Variants in ME3 observed in about 807,000 individuals in gnomAD.
ME3 encodes the protein NADP-dependent malic enzyme, mitochondrial.
ME3 carries 48 observed loss-of-function variants against 68.9 expected under a neutral mutation model. The ratio of observed to expected loss-of-function variants is 0.70; its 90% CI spans 0.55 to 0.89. The LOEUF (loss-of-function observed/expected upper bound fraction) is 0.89, where lower values mean the gene tolerates loss of function less well. Among genes scored for constraint, ME3 ranks in the 40% least tolerant of loss-of-function variants. The pLI is 0.00. For missense variants in ME3, 675 were observed against 797.4 expected, an observed-to-expected ratio of 0.85 and a Z score of 1.85; for synonymous variants, 320 against 318.8, an observed-to-expected ratio of 1.00 and a Z score of -0.04.
chr11:86,523,971 A>C (rs1233843324), intron 4 of ME3, among the ~76,000 whole-genome samples: 1 of 152,234 alleles, frequency 6.6e-6, no homozygotes, highest in African/African-American at 2.4e-5. Context: ...AAATGTGCCA[A>C]GAAACTCAGA....
chr11:86,441,223 T>C, exon 15 of ME3: 1 of 1,406,334 alleles, frequency 7.1e-7, no homozygotes, highest in South Asian at 1.8e-5. Flanking sequence ...AACCCATTTA[T>C]ATTGTGGGTG....
chr11:86,572,401 A>C (rs759340693), intron 2 of ME3, among the ~76,000 whole-genome samples: 1 of 152,028 alleles, frequency 6.6e-6, no homozygotes, highest in African/African-American at 2.4e-5. Context: ...CCCTGGATGC[A>C]TTAGGTATTT....
chr11:86,607,182 A>G (rs1340132462), intron 2 of ME3, among the ~76,000 whole-genome samples: 2 of 152,168 alleles, frequency 1.3e-5, no homozygotes, highest in Non-Finnish European at 1.5e-5. Context: ...CCATGAAGAA[A>G]TCTACCAATC....
intron 4 of ME3, among the ~76,000 whole-genome samples, chr11:86,544,440 C>A (rs1313879345): frequency 6.6e-6 from 1 of 152,014 alleles, no homozygotes; most frequent in Non-Finnish European, 1.5e-5. Context: ...AGAGAAGAAT[C>A]AAATAGACAC....
chr11:86,594,631 C>G (rs1959188349), intron 2 of ME3, among the ~76,000 whole-genome samples: 1 of 146,080 alleles, frequency 6.8e-6, no homozygotes, highest in Non-Finnish European at 1.5e-5. Context: ...GAGGTCAACG[C>G]TGCAGTGAGC....
intron 4 of ME3, among the ~76,000 whole-genome samples, chr11:86,525,059 C>T (rs945477292): frequency 1.3e-5 from 2 of 152,158 alleles, no homozygotes; most frequent in Non-Finnish European, 2.9e-5. Context: ...GAGACCCACT[C>T]CAACTTGCAA....
chr11:86,511,514 C>T (rs1953525596), intron 4 of ME3, among the ~76,000 whole-genome samples: 1 of 152,198 alleles, frequency 6.6e-6, no homozygotes, highest in African/African-American at 2.4e-5. Context: ...GCTGTCCTCA[C>T]TCATTATTGG....
At position 86,442,924 on chromosome 11, in the gene ME3, G is replaced by C. The variant is rs1206403699; in HGVS notation, c.1555-5C>G. On this transcript the variant is annotated splice_polypyrimidine_tract_variant and splice_region_variant and intron_variant, in intron 13 of 14. Transcript: ENST00000543262. The stretch of plus-strand genomic sequence containing the variant: ...AGAGACTTCCTGGGCAATTTGCTGG[G>C]GAGAAGGAGAGAACCGAGAGGAATA... 9 of 1,604,572 alleles carry C rather than the reference G, an allele frequency of 5.6e-6. No individual in the cohort carries two copies. In the Admixed American group the frequency reaches 6.7e-5, roughly 12 times the overall value.
In ME3 at chr11:86,559,839, A is replaced by T; in HGVS notation, c.184-16T>A. On this transcript the variant is annotated splice_polypyrimidine_tract_variant and intron_variant, in intron 2 of 14. Coordinates refer to ENST00000543262, the Ensembl canonical transcript of ME3. The stretch of plus-strand genomic sequence containing the variant: ...AGGCCATCCCCTGGGAAAAACAGGA[A>T]AAGAACACCCACACATAAGTGCATA... The T allele has an allele frequency of 6.2e-7, 1 of 1,611,746 alleles. No homozygotes were observed. The highest frequency in any genetic ancestry group is 1.1e-5 in the South Asian group (1 of 90,862).
chr11:86,530,731 A>G (rs1955152013), intron 4 of ME3, among the ~76,000 whole-genome samples: 1 of 152,218 alleles, frequency 6.6e-6, no homozygotes. Flanking sequence ...GAAACCTGAC[A>G]AAAACAAGAA....
chr11:86,655,075 C>T (rs1945764492), intron 2 of ME3, among the ~76,000 whole-genome samples: 1 of 152,128 alleles, frequency 6.6e-6, no homozygotes, highest in Non-Finnish European at 1.5e-5. Context: ...GAACTACAAA[C>T]CACTGCTCAA....
intron 2 of ME3, among the ~76,000 whole-genome samples, chr11:86,575,741 T>C (rs1958063051): frequency 6.6e-6 from 1 of 152,224 alleles, no homozygotes; most frequent in African/African-American, 2.4e-5. Flanking sequence ...GTGAGTCTGT[T>C]CTCCCCGAAG....
chr11:86,446,296 G>A lies in ME3; in HGVS notation c.1554+18C>T. On this transcript the variant is annotated intron_variant, in intron 13 of 14. Transcript: ENST00000543262. ...CAGACCCTACTGCAAGCATTTGAGG[G>A]AGCAAGGACAGTGATACCTCTGCTG... 6.2e-7 allele frequency: 1 copy of A among 1,613,096 alleles called. No homozygotes were observed. The highest frequency in any genetic ancestry group is 1.1e-5 in the South Asian group (1 of 90,994).
chr11:86,535,135 CCTG>C (rs1270900143), intron 4 of ME3, among the ~76,000 whole-genome samples: 7 of 152,144 alleles, frequency 4.6e-5, no homozygotes, highest in Admixed American at 1.3e-4. Context: ...CTGTATTTGT[CCTG>C]CTATTACTTG....
At chr11:86,475,874 T>TATATATATATAGAGAGAGAGAGAGAGAG in intron 7 of ME3, among the ~76,000 whole-genome samples, 7 of 91,474 alleles carry the variant, frequency 7.7e-5, no homozygotes, top group African/African-American at 3.0e-4. Context: ...TATATATATA[T>TATATATATATAGAGAGAGAGAGAGAGAG]AGAGAGAGAG....
chr11:86,575,103 C>T (rs1202661813), intron 2 of ME3, among the ~76,000 whole-genome samples: 1 of 146,938 alleles, frequency 6.8e-6, no homozygotes, highest in East Asian at 1.9e-4. Flanking sequence ...CACTCTCTGC[C>T]CTTGAAACAT....
intron 2 of ME3, among the ~76,000 whole-genome samples, chr11:86,572,195 GT>G (rs1307081000): frequency 6.6e-6 from 1 of 152,142 alleles, no homozygotes; most frequent in Non-Finnish European, 1.5e-5. Flanking sequence ...GTTGCATCCA[GT>G]AAAGCTATGA....
intron 4 of ME3, among the ~76,000 whole-genome samples, chr11:86,546,036 A>T (rs1956340143): frequency 6.6e-6 from 1 of 152,208 alleles, no homozygotes; most frequent in Non-Finnish European, 1.5e-5. Flanking sequence ...TTGATCTTTG[A>T]CAAACCTGAC....
rs527868638 is a variant in ME3, at chr11:86,634,999, G to C, written c.183+36763C>G. Among the ~76,000 whole-genome samples, 4 of 152,324 alleles carry C rather than the reference G, an allele frequency of 2.6e-5. No homozygotes were observed. In the East Asian group the frequency reaches 5.8e-4, roughly 22 times the overall value. On this transcript the variant is annotated intron_variant, in intron 2 of 14. Transcript: ENST00000543262. ...CTTTGCTCCGTTCTGGATGTTACCA[G>C]GCACCGTTAAAAAATTAGGAACAGG...
Sources: allele counts gnomAD v4.1 joint callset (sites outside exome capture counted in the v4.1 genomes callset), GRCh38; gene constraint gnomAD v4.1.1; transcripts MANE v1.5; gene names NCBI Gene and HGNC (gene_info 2026-07-23, HGNC 2026-07-21).